KCNMA1: variants seen among roughly 807,000 people sequenced by gnomAD.
KCNMA1 encodes the protein potassium calcium-activated channel subfamily M alpha 1, also known as Calcium-activated potassium channel subunit alpha-1.
KCNMA1 carries 29 observed loss-of-function variants against 140.0 expected under a neutral mutation model. The ratio of observed to expected loss-of-function variants is 0.21; its 90% CI spans 0.15 to 0.28. The LOEUF (loss-of-function observed/expected upper bound fraction) is 0.28. KCNMA1 is among the 10% of genes least tolerant of loss of function. KCNMA1 has a pLI of 1.00. For missense variants in KCNMA1, 880 were observed against 1,602.2 expected (o/e 0.55, Z 7.70); for synonymous variants, 612 against 611.9 (o/e 1.00, Z 0.00).
chr10:77,392,514 T>C (rs1008129673), intron 2 of KCNMA1, among the ~76,000 whole-genome samples: 1 of 152,218 alleles, frequency 6.6e-6, no homozygotes, highest in Non-Finnish European at 1.5e-5. Context: ...CAAATCATTC[T>C]AGAAAATGCA....
chr10:77,034,562 T>G (rs1481348970), intron 15 of KCNMA1, among the ~76,000 whole-genome samples: 3 of 152,182 alleles, frequency 2.0e-5, no homozygotes, highest in Admixed American at 6.5e-5. Flanking sequence ...TTTCTGAATT[T>G]AGGAGGGGAG....
chr10:77,434,455 G>A (rs12360032), intron 1 of KCNMA1, among the ~76,000 whole-genome samples: 8,317 of 152,214 alleles, frequency 0.055, 313 homozygotes, highest in Non-Finnish European at 0.075. Flanking sequence ...CACATCTCAA[G>A]GCCAGCCTGC....
rs148402304 is a variant in KCNMA1 at position 77,291,441 on chromosome 10, G to C, written c.541-40185C>G. On this transcript the variant is annotated intron_variant, in intron 2 of 27. Coordinates refer to ENST00000286628, the MANE Select transcript of KCNMA1 (RefSeq NM_001161352.2). ...AAGGAAGAGAGAAAAAAGAAAAACAGGTACTCCATAAATTACCCACATAAA... is the reference window on the plus strand; with the variant it reads ...AAGGAAGAGAGAAAAAAGAAAAACACGTACTCCATAAATTACCCACATAAA... Among the ~76,000 whole-genome samples the C allele has an allele frequency of 2.5e-3, 384 of 152,192 alleles. 1 individual carries two copies. Among genetic ancestry groups the C allele is most frequent in the African/African-American group, 8.7e-3 (363 of 41,544 alleles).
At position 76,889,507 on chromosome 10, in the gene KCNMA1, A is replaced by T; in HGVS notation, c.3405T>A (p.Phe1135Leu). The change falls in exon 27 of 28, where the codon TTT becomes TTA. Residue 1135 changes from phenylalanine to leucine, a missense_variant. By Grantham distance (22) the Phe-to-Leu change is conservative (BLOSUM62 0). Around this residue, in one of 13 missense-constraint regions of KCNMA1, gnomAD observed 115 missense variants for 139.9 expected, o/e 0.82. Coordinates refer to ENST00000286628, the MANE Select transcript of KCNMA1 (RefSeq NM_001161352.2). ...GAGCATCTCTCAGCCGGTAAATTCC[A>T]AAACAAAGCATATTATATGTTTTCA... ...KALKTYNMLC[F>L]GIYRLRDAHL... 6.2e-7 allele frequency: 1 copy of T among 1,614,178 alleles called. No homozygotes were observed. The highest frequency in any genetic ancestry group is 8.5e-7 in the Non-Finnish European group (1 of 1,180,022).
At chr10:77,049,212 A>T (rs1293322896) in intron 14 of KCNMA1, among the ~76,000 whole-genome samples, 1 of 152,150 alleles carries the variant, frequency 6.6e-6, no homozygotes, top group African/African-American at 2.4e-5. Context: ...TCTCTCTATG[A>T]CCTTTTTCAG....
chr10:77,239,865 T>C (rs1279193048), intron 3 of KCNMA1, among the ~76,000 whole-genome samples: 3 of 152,156 alleles, frequency 2.0e-5, no homozygotes, highest in Non-Finnish European at 2.9e-5. Context: ...GTTCAGCAAA[T>C]TGTGAACTTT....
In KCNMA1 at chr10:77,560,285, A is replaced by G. The variant is rs142611315; in HGVS notation, c.378+76980T>C. On this transcript the variant is annotated intron_variant, in intron 1 of 27. Coordinates refer to ENST00000286628, the MANE Select transcript of KCNMA1 (RefSeq NM_001161352.2). ...ACAATCAGCATTTTTCAACTGAAAC[A>G]ACAGCACAGAAAACAGAGTACTGCA... 5.4e-3 allele frequency among the ~76,000 whole-genome samples: 821 copies of G among 152,370 alleles called. 5 individuals are homozygous for G. Among genetic ancestry groups the G allele is most frequent in the African/African-American group, 0.019 (800 of 41,590 alleles).
At chr10:77,104,925 A>G (rs2097170564) in intron 9 of KCNMA1, among the ~76,000 whole-genome samples, 2 of 152,182 alleles carry the variant, frequency 1.3e-5, no homozygotes, top group South Asian at 4.1e-4. Context: ...ACACAAAGGA[A>G]AGGAGGAGGA....
chr10:77,310,193 A>T (rs1262581022), intron 2 of KCNMA1, among the ~76,000 whole-genome samples: 1 of 152,222 alleles, frequency 6.6e-6, no homozygotes, highest in Non-Finnish European at 1.5e-5. Context: ...CACTAGTACA[A>T]CTAAACCAGT....
chr10:77,074,594 T>C (rs1212834932), intron 13 of KCNMA1, among the ~76,000 whole-genome samples: 1 of 152,234 alleles, frequency 6.6e-6, no homozygotes, highest in Non-Finnish European at 1.5e-5. Flanking sequence ...TCCTGCTTTG[T>C]TCTAGAAGCC....
chr10:77,431,652 G>A (rs1024773966), intron 1 of KCNMA1, among the ~76,000 whole-genome samples: 6 of 122,044 alleles, frequency 4.9e-5, no homozygotes, highest in African/African-American at 1.9e-4. Flanking sequence ...CTAGATATTT[G>A]CAGCATGCCC....
chr10:77,562,476 A>G (rs1367783365), intron 1 of KCNMA1, among the ~76,000 whole-genome samples: 1 of 152,246 alleles, frequency 6.6e-6, no homozygotes, highest in East Asian at 1.9e-4. Context: ...ATATTGAACT[A>G]TAAAAATAGA....
intron 1 of KCNMA1, among the ~76,000 whole-genome samples, chr10:77,549,088 A>C (rs2062121672): frequency 6.6e-6 from 1 of 152,202 alleles, no homozygotes; most frequent in Non-Finnish European, 1.5e-5. Flanking sequence ...GATAAAAGTC[A>C]TTCATTGGGA....
At chr10:77,107,808 T>C (rs1770637227) in intron 9 of KCNMA1, among the ~76,000 whole-genome samples, 1 of 152,170 alleles carries the variant, frequency 6.6e-6, no homozygotes, top group African/African-American at 2.4e-5. Context: ...GCCTCCTGGA[T>C]GAAGAGGAGA....
Position 77,150,296 on chromosome 10 carries a change from T to C in KCNMA1, c.809-29248A>G, listed in dbSNP as rs564902927. Among the ~76,000 whole-genome samples the C allele has an allele frequency of 3.3e-5, 5 of 152,322 alleles. No homozygotes were observed. The South Asian group carries it at 1.0e-3, about 32-fold the overall frequency. ...ATGAAATAGGCCAGCCCTGTCTTCC[T>C]TCTTCTTCCATCAAATGCCATTCTT... is the stretch of plus-strand genomic sequence containing the variant. On this transcript the variant is annotated intron_variant, in intron 5 of 27. Transcript: ENST00000286628.
intron 2 of KCNMA1, among the ~76,000 whole-genome samples, chr10:77,346,296 C>T (rs1243140614): frequency 6.6e-6 from 1 of 152,194 alleles, no homozygotes; most frequent in Non-Finnish European, 1.5e-5. Context: ...TAAATCAGTA[C>T]TCCCTTAACA....
At chr10:77,047,322 T>C (rs537155261) in intron 14 of KCNMA1, among the ~76,000 whole-genome samples, 1 of 152,326 alleles carries the variant, frequency 6.6e-6, no homozygotes, top group South Asian at 2.1e-4. Flanking sequence ...CAAATGAGAT[T>C]TCTTCCATCA....
At chr10:77,379,098 C>T (rs537356203) in intron 2 of KCNMA1, among the ~76,000 whole-genome samples, 13 of 152,254 alleles carry the variant, frequency 8.5e-5, no homozygotes, top group Non-Finnish European at 1.6e-4. Context: ...CCATAGAAAA[C>T]AGTGTATGTT....
intron 1 of KCNMA1, among the ~76,000 whole-genome samples, chr10:77,564,874 G>A (rs1297208403): frequency 6.6e-6 from 1 of 152,192 alleles, no homozygotes; most frequent in African/African-American, 2.4e-5. Context: ...TGATCACAAA[G>A]GGAGGTAAAA....
Sources: gnomAD v4.1 joint callset for allele counts (sites outside exome capture counted in the v4.1 genomes callset) on GRCh38, gnomAD v4.1.1 for gene constraint, gnomAD v4.1.1 regional missense constraint, MANE v1.5 for transcripts, NCBI Gene and HGNC (gene_info 2026-07-23, HGNC 2026-07-21) for gene names.